CNTNAP2: variants seen among roughly 807,000 people sequenced by gnomAD.
CNTNAP2 encodes contactin-associated protein-like 2.
A neutral mutation model predicts 155.2 loss-of-function variants in CNTNAP2; 98 were observed. That is an observed-to-expected ratio of 0.63 (90% CI 0.54 to 0.75). The LOEUF is 0.75. CNTNAP2 is among the 30% of genes least tolerant of loss of function. The pLI, the probability that CNTNAP2 is intolerant of heterozygous loss-of-function variation, is 0.00. For synonymous variants in CNTNAP2, 651 were observed against 631.2 expected (o/e 1.03, Z -0.47); for missense variants, 1,727 against 1,688.1 (o/e 1.02, Z -0.40).
At chr7:146,981,985 A>C (rs1414010035) in intron 3 of CNTNAP2, among the ~76,000 whole-genome samples, 1 of 152,180 alleles carries the variant, frequency 6.6e-6, no homozygotes, top group Non-Finnish European at 1.5e-5. Flanking sequence ...AGCATAAACC[A>C]GCGAGTGTTA....
intron 3 of CNTNAP2, among the ~76,000 whole-genome samples, chr7:146,950,997 G>A (rs1245318685): frequency 6.6e-6 from 1 of 152,020 alleles, no homozygotes; most frequent in East Asian, 1.9e-4. Context: ...TAACTGGCGT[G>A]AGATGGTATC....
chr7:146,921,000 T>C (rs1796487051), intron 3 of CNTNAP2, among the ~76,000 whole-genome samples: 1 of 152,206 alleles, frequency 6.6e-6, no homozygotes, highest in Admixed American at 6.5e-5. Flanking sequence ...CAATGTTATG[T>C]AATTAGTAAA....
intron 1 of CNTNAP2, among the ~76,000 whole-genome samples, chr7:146,380,258 A>G (rs574911357): frequency 1.3e-5 from 2 of 152,338 alleles, no homozygotes; most frequent in East Asian, 3.9e-4. Flanking sequence ...ATGATGCAGT[A>G]CACTTAATTA....
intron 19 of CNTNAP2, among the ~76,000 whole-genome samples, chr7:148,223,828 A>G (rs1795793445): frequency 6.6e-6 from 1 of 152,250 alleles, no homozygotes; most frequent in South Asian, 2.1e-4. Flanking sequence ...AAGAAAAAAA[A>G]GAGAAAACAA....
intron 1 of CNTNAP2, among the ~76,000 whole-genome samples, chr7:146,301,996 C>T (rs569421768): frequency 6.6e-6 from 1 of 152,230 alleles, no homozygotes; most frequent in African/African-American, 2.4e-5. Flanking sequence ...ACTCTTCTTC[C>T]ACTCTTTCTG....
At chr7:147,240,742 G>A (rs1803918095) in intron 8 of CNTNAP2, among the ~76,000 whole-genome samples, 1 of 152,122 alleles carries the variant, frequency 6.6e-6, no homozygotes, top group Non-Finnish European at 1.5e-5. Context: ...CTGACATCAT[G>A]TTTATTATCC....
chr7:146,885,611 A>T (rs983153286), intron 3 of CNTNAP2, among the ~76,000 whole-genome samples: 1 of 152,188 alleles, frequency 6.6e-6, no homozygotes, highest in Non-Finnish European at 1.5e-5. Context: ...TTAAGATTTT[A>T]ATCTTACAGA....
chr7:148,191,941 A>G (rs1795207229), intron 18 of CNTNAP2, among the ~76,000 whole-genome samples: 1 of 152,220 alleles, frequency 6.6e-6, no homozygotes. Flanking sequence ...GAAACAAAAG[A>G]TTGCACTGGA....
At chr7:147,750,700 G>A (rs1290743918) in intron 13 of CNTNAP2, among the ~76,000 whole-genome samples, 1 of 152,058 alleles carries the variant, frequency 6.6e-6, no homozygotes, top group African/African-American at 2.4e-5. Context: ...AAATGATCCT[G>A]GGCAAAAGGA....
intron 8 of CNTNAP2, among the ~76,000 whole-genome samples, chr7:147,247,962 T>C (rs1804102502): frequency 6.6e-6 from 1 of 151,956 alleles, no homozygotes; most frequent in South Asian, 2.1e-4. Context: ...TATAAGGGGA[T>C]GATAAAGAGG....
chr7:146,157,296 G>A (rs750846944), intron 1 of CNTNAP2, among the ~76,000 whole-genome samples: 26 of 152,084 alleles, frequency 1.7e-4, no homozygotes, highest in African/African-American at 2.7e-4. Context: ...CAAGATGGCC[G>A]AATAAGAACA....
intron 1 of CNTNAP2, among the ~76,000 whole-genome samples, chr7:146,642,389 A>G (rs1280027476): frequency 7.0e-6 from 1 of 142,092 alleles, no homozygotes; most frequent in Non-Finnish European, 1.5e-5. Context: ...ATTCCCACCT[A>G]TGAGTGAGAA....
intron 1 of CNTNAP2, among the ~76,000 whole-genome samples, chr7:146,669,473 AT>A (rs1234358134): frequency 1.3e-5 from 2 of 152,132 alleles, no homozygotes; most frequent in African/African-American, 4.8e-5. Context: ...TATAACATCA[AT>A]TGCGTGTAAC....
intron 3 of CNTNAP2, among the ~76,000 whole-genome samples, chr7:146,868,367 T>C (rs1177079896): frequency 6.6e-6 from 1 of 152,188 alleles, no homozygotes; most frequent in Non-Finnish European, 1.5e-5. Flanking sequence ...TTCTGTTCCA[T>C]TGGTCTATGT....
chr7:146,226,197 A>G (rs889288384), intron 1 of CNTNAP2, among the ~76,000 whole-genome samples: 1 of 152,198 alleles, frequency 6.6e-6, no homozygotes, highest in Non-Finnish European at 1.5e-5. Flanking sequence ...TACCCAACAT[A>G]CAACTTCCTT....
At chr7:146,569,532 T>C (rs1428309336) in intron 1 of CNTNAP2, among the ~76,000 whole-genome samples, 2 of 152,218 alleles carry the variant, frequency 1.3e-5, no homozygotes, top group Non-Finnish European at 2.9e-5. Context: ...GTAAAGTAAG[T>C]TAATCCTTTC....
At chr7:146,262,927 G>A (rs906818277) in intron 1 of CNTNAP2, among the ~76,000 whole-genome samples, 1 of 152,142 alleles carries the variant, frequency 6.6e-6, no homozygotes, top group African/African-American at 2.4e-5. Context: ...AATAACAATT[G>A]TGCCAGGCAA....
intron 12 of CNTNAP2, among the ~76,000 whole-genome samples, chr7:147,587,738 G>A (rs921658815): frequency 3.3e-5 from 5 of 152,130 alleles, no homozygotes; most frequent in African/African-American, 1.2e-4. Context: ...AAGACGCATA[G>A]TGGTATTTTA....
At chr7:146,519,350 G>T (rs904353599) in intron 1 of CNTNAP2, among the ~76,000 whole-genome samples, 4 of 151,812 alleles carry the variant, frequency 2.6e-5, no homozygotes, top group Non-Finnish European at 4.4e-5. Flanking sequence ...ACAGATGAGG[G>T]AGGAAGGATG....
Sources: allele counts gnomAD v4.1 joint callset (sites outside exome capture counted in the v4.1 genomes callset), GRCh38; gene constraint gnomAD v4.1.1; transcripts MANE v1.5; gene names NCBI Gene and HGNC (gene_info 2026-07-23, HGNC 2026-07-21).